Variants in USP32 observed in about 807,000 individuals in gnomAD.
The protein encoded by USP32 is ubiquitin specific peptidase 32, also known as ubiquitin carboxyl-terminal hydrolase 32.
A neutral mutation model predicts 204.8 loss-of-function variants in USP32; 59 were observed. The observed-to-expected ratio is 0.29, with a 90% CI of 0.23 to 0.36. USP32 has a LOEUF of 0.36. Among genes scored for constraint, USP32 ranks in the 10% least tolerant of loss-of-function variants. The pLI is 1.00. For missense variants in USP32, 1,160 were observed against 1,946.4 expected, an observed-to-expected ratio of 0.60 and a Z score of 7.60; for synonymous variants, 517 against 678.4, an observed-to-expected ratio of 0.76 and a Z score of 3.70.
intron 3 of USP32, among the ~76,000 whole-genome samples, chr17:60,297,749 T>G (rs1291994509): frequency 6.6e-6 from 1 of 152,092 alleles, no homozygotes; most frequent in African/African-American, 2.4e-5. Flanking sequence ...CCTCAAAATA[T>G]CATGGCATGA....
chr17:60,247,596 T>C (rs2145691292), intron 11 of USP32, among the ~76,000 whole-genome samples: 1 of 152,358 alleles, frequency 6.6e-6, no homozygotes, highest in East Asian at 1.9e-4. Context: ...GATTGTCCTT[T>C]CTCTAATGTA....
chr17:60,345,142 A>G (rs777773429), intron 2 of USP32, among the ~76,000 whole-genome samples: 1 of 152,178 alleles, frequency 6.6e-6, no homozygotes, highest in Non-Finnish European at 1.5e-5. Context: ...CTTTAACATA[A>G]AATTTATAAA....
chr17:60,232,105 TTAGG>T (rs1377271440), intron 12 of USP32, among the ~76,000 whole-genome samples: 1 of 152,006 alleles, frequency 6.6e-6, no homozygotes, highest in Non-Finnish European at 1.5e-5. Context: ...AAGTACTCTC[TTAGG>T]TAGGCAGATG....
intron 15 of USP32, among the ~76,000 whole-genome samples, chr17:60,221,283 T>C (rs527936208): frequency 2.7e-4 from 41 of 152,130 alleles, no homozygotes; most frequent in South Asian, 1.0e-3. Context: ...GTCTTAGCTA[T>C]TGGGGAGGCT....
intron 16 of USP32, among the ~76,000 whole-genome samples, 181 bp from the exon 17 acceptor site, chr17:60,214,955 TTTTGTTTGTTTG>T (rs113909630): frequency 1.3e-5 from 2 of 151,692 alleles, no homozygotes; most frequent in African/African-American, 2.4e-5. Flanking sequence ...CCCAAGTTCT[TTTTGTTTGTTTG>T]TTTGTTTGTT....
chr17:60,223,560 C>A lies in USP32; in HGVS notation c.1459G>T (p.Ala487Ser). 6.2e-7 allele frequency: 1 copy of A among 1,604,710 alleles called. No individual in the cohort carries two copies. The highest frequency in any genetic ancestry group is 2.2e-5 in the East Asian group (1 of 44,824). Reference protein sequence around the residue: ...SGFLYSATPGADVCFARQHNT... With the variant: ...SGFLYSATPGSDVCFARQHNT... ...TGTTGTCGAGCAAAGCAAACATCTG[C>A]CCCTGGTGTGGCAGAATACAGAAAG... Residue 487 changes from alanine (A) to serine (S), a missense_variant, in exon 14 of 34, where the codon GCA (alanine) becomes TCA (serine). Around this residue, in one of 8 missense-constraint regions of USP32, gnomAD observed 536 missense variants for 680.9 expected, o/e 0.79. Coordinates refer to ENST00000300896, the MANE Select transcript of USP32 (RefSeq NM_032582.4).
chr17:60,392,532 A>G (rs2089860869), upstream of USP32: 1 of 376,714 alleles, frequency 2.7e-6, no homozygotes, highest in South Asian at 1.8e-5. Flanking sequence ...GTGGGGTCCG[A>G]GCAGCTGACG....
intron 5 of USP32, among the ~76,000 whole-genome samples, chr17:60,280,835 G>A (rs2086950304): frequency 6.6e-6 from 1 of 152,200 alleles, no homozygotes; most frequent in Non-Finnish European, 1.5e-5. Flanking sequence ...GAATCAGACT[G>A]AGAATTTATA....
intron 11 of USP32, among the ~76,000 whole-genome samples, chr17:60,251,222 C>A (rs1598143598): frequency 1.3e-5 from 2 of 151,942 alleles, no homozygotes; most frequent in East Asian, 3.9e-4. Flanking sequence ...GGATTACAGG[C>A]ATGAGCCACT....
At chr17:60,206,673 A>C (rs1390343356) in intron 25 of USP32, among the ~76,000 whole-genome samples, 1 of 151,712 alleles carries the variant, frequency 6.6e-6, no homozygotes, top group Non-Finnish European at 1.5e-5. Flanking sequence ...ACCACATTAA[A>C]TTACATATAA....
chr17:60,332,069 C>A (rs1450337775), intron 2 of USP32, among the ~76,000 whole-genome samples: 1 of 151,700 alleles, frequency 6.6e-6, no homozygotes, highest in Non-Finnish European at 1.5e-5. Context: ...ATAGCGAAAC[C>A]CCATCTCTAC....
At chr17:60,403,558 A>T (rs1417471747) in intron 1 of USP32, among the ~76,000 whole-genome samples, 1 of 152,176 alleles carries the variant, frequency 6.6e-6, no homozygotes, top group African/African-American at 2.4e-5. Flanking sequence ...GATCAGGTCC[A>T]GGGGGACTAA....
upstream of USP32, chr17:60,392,504 T>G (rs1052867789): frequency 1.0e-5 from 3 of 289,150 alleles, no homozygotes; most frequent in South Asian, 2.4e-5. Flanking sequence ...CGCGCCCACA[T>G]GTTCTGGCGT....
At chr17:60,394,023 A>G (rs1425367875), upstream of USP32, among the ~76,000 whole-genome samples, 1 of 152,226 alleles carries the variant, frequency 6.6e-6, no homozygotes, top group African/African-American at 2.4e-5. Context: ...CTGGCAAACC[A>G]GATCAGCAGC....
In USP32 at chr17:60,192,922, C is replaced by T; in HGVS notation, c.3443G>A (p.Ser1148Asn). The T allele has an allele frequency of 6.2e-7, 1 of 1,613,832 alleles. No homozygotes were observed. The highest frequency in any genetic ancestry group is 8.5e-7 in the Non-Finnish European group (1 of 1,179,700). ...AGTGAATGGATATTGATAGCCCATA[C>T]TGTCGTCACTGAAACAGAAGAGAAC... is the stretch of plus-strand genomic sequence containing the variant. ...ASNHAQDCDD[S>N]MGYQYPFTLR... Residue 1148 changes from serine to asparagine, a missense_variant, in exon 28 of 34, where the codon AGT (serine) becomes AAT (asparagine). Physicochemically the swap from Ser to Asn is conservative, Grantham distance 46. Coordinates refer to ENST00000300896, the MANE Select transcript of USP32 (RefSeq NM_032582.4).
chr17:60,299,361 C>T (rs1567837892), intron 3 of USP32, among the ~76,000 whole-genome samples: 1 of 152,166 alleles, frequency 6.6e-6, no homozygotes, highest in South Asian at 2.1e-4. Context: ...AGTCCAAGGT[C>T]AAGGCACCTG....
At chr17:60,421,926 C>A in intron 1 of USP32, 1 of 985,730 alleles carries the variant, frequency 1.0e-6, no homozygotes. Flanking sequence ...GGTACCTGCC[C>A]CAGGGAAGGC....
chr17:60,241,246 A>G (rs926778782), intron 11 of USP32, among the ~76,000 whole-genome samples: 1 of 151,968 alleles, frequency 6.6e-6, no homozygotes, highest in Admixed American at 6.6e-5. Context: ...TGATTCACCC[A>G]CTGTGGCCTC....
intron 2 of USP32, among the ~76,000 whole-genome samples, chr17:60,344,329 C>T (rs1037986823): frequency 6.6e-6 from 1 of 152,000 alleles, no homozygotes; most frequent in Non-Finnish European, 1.5e-5. Context: ...GGTGTTTTAC[C>T]ATGTTGGCCA....
Sources: allele counts gnomAD v4.1 joint callset (sites outside exome capture counted in the v4.1 genomes callset), GRCh38; gene constraint gnomAD v4.1.1; regional missense constraint gnomAD v4.1.1; transcripts MANE v1.5; gene names NCBI Gene and HGNC (gene_info 2026-07-23, HGNC 2026-07-21).